Variants in SMAD2 observed in about 807,000 individuals in gnomAD.
SMAD2 encodes the protein SMAD family member 2, also known as MAD homolog 2.
In SMAD2, 8 loss-of-function variants were observed where a neutral mutation model predicts 64.4. The observed-to-expected ratio is 0.12, with a 90% CI of 0.07 to 0.22. SMAD2 has a LOEUF of 0.22. Among genes scored for constraint, SMAD2 ranks in the 10% least tolerant of loss-of-function variants. The pLI, the probability that SMAD2 is intolerant of heterozygous loss-of-function variation, is 1.00. For missense variants in SMAD2, 289 were observed against 561.2 expected (o/e 0.51, Z 4.90); for synonymous variants, 203 against 195.8 (o/e 1.04, Z -0.31).
At chr18:47,885,304 T>C (rs145391288) in intron 2 of SMAD2, among the ~76,000 whole-genome samples, 44 of 152,136 alleles carry the variant, frequency 2.9e-4, no homozygotes, top group African/African-American at 1.0e-3. Flanking sequence ...GCCTCTCAGA[T>C]AGCTGGAATT....
intron 1 of SMAD2, among the ~76,000 whole-genome samples, chr18:47,923,178 T>TAAAAAAAAAAAA (rs546528253): frequency 7.5e-6 from 1 of 133,870 alleles, no homozygotes; most frequent in African/African-American, 2.7e-5. Flanking sequence ...CCCAGATTAT[T>TAAAAAAAAAAAA]AAAAAAAAAA....
chr18:47,897,957 G>A (rs1422144357), intron 1 of SMAD2, among the ~76,000 whole-genome samples: 1 of 152,186 alleles, frequency 6.6e-6, no homozygotes, highest in Admixed American at 6.5e-5. Flanking sequence ...GAGGTCTGTA[G>A]TCTTTACATC....
intron 1 of SMAD2, among the ~76,000 whole-genome samples, chr18:47,897,090 C>T (rs1443170417): frequency 6.6e-6 from 1 of 152,158 alleles, no homozygotes; most frequent in Non-Finnish European, 1.5e-5. Flanking sequence ...ACCACCAATA[C>T]TATTTTAAAC....
At chr18:47,919,538 CAAAG>C (rs2034481944) in intron 1 of SMAD2, among the ~76,000 whole-genome samples, 1 of 138,024 alleles carries the variant, frequency 7.2e-6, no homozygotes, top group African/African-American at 2.7e-5. Flanking sequence ...GGAGATCTAA[CAAAG>C]AAGAAAAAAT....
At position 47,850,508 on chromosome 18, in the gene SMAD2, A is replaced by ATG. The variant is rs1915249684; in HGVS notation, c.784+765_784+766insCA. On this transcript the variant is annotated intron_variant, in intron 7 of 10. Coordinates refer to ENST00000262160, the MANE Select transcript of SMAD2 (RefSeq NM_005901.6). ...ATATATTATGTATAATATATGTTAT[A>ATG]TATATAATATATATTATGTATAATA... Among the ~76,000 whole-genome samples, 5 of 37,340 alleles carry ATG rather than the reference A, an allele frequency of 1.3e-4. 2 individuals carry two copies. Among genetic ancestry groups the ATG allele is most frequent in the African/African-American group, 6.5e-4 (5 of 7,712 alleles). 24.5% of individuals were successfully genotyped at this position (37,340 alleles called of 152,430 possible). A position where few individuals can be genotyped will look rare whatever the true frequency, so the allele number is the denominator to read the frequency against.
intron 1 of SMAD2, among the ~76,000 whole-genome samples, chr18:47,908,752 C>T (rs762820665): frequency 6.6e-6 from 1 of 152,120 alleles, no homozygotes; most frequent in Non-Finnish European, 1.5e-5. Flanking sequence ...GGAAGTGTTG[C>T]GAGTATCCAC....
At chr18:47,852,451 G>A (rs1568045536) in intron 6 of SMAD2, among the ~76,000 whole-genome samples, 2 of 152,048 alleles carry the variant, frequency 1.3e-5, no homozygotes, top group South Asian at 2.1e-4. Context: ...TATTTATTTA[G>A]GATTTTTGCA....
At position 47,811,522 on chromosome 18, in the gene SMAD2, G is replaced by A. The variant is rs1316634914; in HGVS notation, c.*30305C>T. On this transcript the variant is annotated 3_prime_UTR_variant, in exon 11 of 11. Transcript: ENST00000262160. The stretch of plus-strand genomic sequence containing the variant: ...AAATAAGGTAATTCTGAAATCCACA[G>A]CAATGCTTCAGTGCTCCTAAGGGGC... 4 of 149,384 alleles carry A rather than the reference G, an allele frequency of 2.7e-5. No individual in the cohort carries two copies. The highest frequency in any genetic ancestry group is 9.9e-5 in the African/African-American group (4 of 40,570). 9.3% of individuals were successfully genotyped at this position (149,384 alleles called of 1,614,324 possible).
chr18:47,862,383 G>A (rs1245189618), intron 6 of SMAD2, among the ~76,000 whole-genome samples: 1 of 152,188 alleles, frequency 6.6e-6, no homozygotes, highest in Non-Finnish European at 1.5e-5. Context: ...AAGACAAGGT[G>A]TCAGCAAAGC....
chr18:47,920,378 G>A (rs991227255), intron 1 of SMAD2, among the ~76,000 whole-genome samples: 6 of 152,112 alleles, frequency 3.9e-5, no homozygotes, highest in Admixed American at 3.3e-4. Context: ...TTCGCAATCC[G>A]TATTAAAAAC....
intron 1 of SMAD2, 122 bp from the exon 2 acceptor site, chr18:47,896,931 G>C (rs2033463206): frequency 5.9e-6 from 5 of 849,764 alleles, no homozygotes; most frequent in Admixed American, 4.2e-5. Context: ...TTTCCCAATA[G>C]ACTTCTCCAC....
rs568804913 is a variant in SMAD2, at chr18:47,817,297, C to T, written c.*24530G>A. On this transcript the variant is annotated 3_prime_UTR_variant, in exon 11 of 11. Transcript: ENST00000262160. Reference sequence around the variant, plus strand: ...GAGTCTTTTCTCAGGCAGAGCCTCCCACTTTTGGCAGAGGCTTTTTGACTT... The same window carrying T: ...GAGTCTTTTCTCAGGCAGAGCCTCCTACTTTTGGCAGAGGCTTTTTGACTT... The T allele has an allele frequency of 2.0e-4, 31 of 152,238 alleles. No homozygotes were observed. The highest frequency in any genetic ancestry group is 4.6e-4 in the Admixed American group (7 of 15,288). 9.4% of individuals were successfully genotyped at this position (152,238 alleles called of 1,614,324 possible).
chr18:47,926,528 C>G (rs1481811855), intron 1 of SMAD2, among the ~76,000 whole-genome samples: 2 of 152,142 alleles, frequency 1.3e-5, no homozygotes, highest in Non-Finnish European at 2.9e-5. Flanking sequence ...CACACCCCCT[C>G]TAAGCCTCCC....
chr18:47,867,879 A>G (rs1242265824), intron 5 of SMAD2, among the ~76,000 whole-genome samples: 1 of 152,186 alleles, frequency 6.6e-6, no homozygotes, highest in African/African-American at 2.4e-5. Flanking sequence ...ACTAAGTATT[A>G]TATTTCTTAT....
rs1912894349 is a variant in SMAD2, at chr18:47,829,230, A to AAAGCTCCCTT, written c.*12587_*12596dup. 1 of 152,176 alleles carries AAAGCTCCCTT rather than the reference A, an allele frequency of 6.6e-6. No individual in the cohort carries two copies. Among genetic ancestry groups the AAAGCTCCCTT allele is most frequent in the Non-Finnish European group, 1.5e-5 (1 of 68,032 alleles). The allele number at this position is 152,176 out of a possible 1,614,324, so 9.4% of individuals were successfully genotyped here. ...TATCTAAAAGGAAATAGAATACAAC[A>AAAGCTCCCTT]AAGCTCCCTTACCCAATCCCAACAA... On this transcript the variant is annotated 3_prime_UTR_variant, in exon 11 of 11. Transcript: ENST00000262160.
intron 2 of SMAD2, among the ~76,000 whole-genome samples, chr18:47,884,221 A>C (rs545604053): frequency 3.8e-4 from 58 of 152,286 alleles, no homozygotes; most frequent in African/African-American, 1.3e-3. Flanking sequence ...CTTCAAAATC[A>C]AATTTTATAT....
chr18:47,873,400 AT>A (rs2032064948), intron 2 of SMAD2, among the ~76,000 whole-genome samples: 2 of 152,328 alleles, frequency 1.3e-5, no homozygotes, highest in East Asian at 3.9e-4. Context: ...AAATTTATAT[AT>A]TTGATGCAAT....
chr18:47,827,737 C>T lies in SMAD2; in HGVS notation c.*14090G>A. 1 of 171,376 alleles carries T rather than the reference C, an allele frequency of 5.8e-6. No individual in the cohort carries two copies. Among genetic ancestry groups the T allele is most frequent in the Non-Finnish European group, 1.2e-5 (1 of 82,606 alleles). The allele number at this position is 171,376 out of a possible 1,614,324, so 10.6% of individuals were successfully genotyped here. ...CCGCGCATGATCTGCCCGCCTGGGC[C>T]TCCCGAGGTGCTGGGATTGCAGATG... On this transcript the variant is annotated 3_prime_UTR_variant, in exon 11 of 11. Coordinates refer to ENST00000262160, the MANE Select transcript of SMAD2 (RefSeq NM_005901.6).
chr18:47,854,031 T>C (rs373774724), intron 6 of SMAD2, among the ~76,000 whole-genome samples: 4 of 151,528 alleles, frequency 2.6e-5, no homozygotes, highest in Admixed American at 1.3e-4. Context: ...GAATTACAGA[T>C]TACAAAAAAG....
Sources: gnomAD v4.1 joint callset for allele counts (sites outside exome capture counted in the v4.1 genomes callset) on GRCh38, gnomAD v4.1.1 for gene constraint, MANE v1.5 for transcripts, NCBI Gene and HGNC (gene_info 2026-07-23, HGNC 2026-07-21) for gene names.